Variants in LTF observed in about 807,000 individuals in gnomAD.
The protein encoded by LTF is lactotransferrin, also known as epididymis luminal protein 110.
LTF carries 91 observed loss-of-function variants against 87.2 expected under a neutral mutation model. The observed-to-expected ratio is 1.04, with a 90% CI of 0.88 to 1.24. The LOEUF (loss-of-function observed/expected upper bound fraction) is 1.24, where lower values mean the gene tolerates loss of function less well. Among genes scored for constraint, LTF ranks in the 50% most tolerant of loss-of-function variants. The pLI, the probability that LTF is intolerant of heterozygous loss-of-function variation, is 0.00. For synonymous variants in LTF, 378 were observed against 356.1 expected (o/e 1.06, Z -0.69); for missense variants, 901 against 904.3 (o/e 1.00, Z 0.05).
At chr3:46,454,463 C>G (rs1451467842) in intron 5 of LTF, 103 bp from the exon 6 acceptor site, 2 of 1,035,720 alleles carry the variant, frequency 1.9e-6, no homozygotes, top group Non-Finnish European at 3.1e-6. Flanking sequence ...TTTCTACTCC[C>G]TGCAGGGCAG....
In LTF at chr3:46,441,192, T is replaced by TGA. The variant is rs372252418; in HGVS notation, c.1723+222_1723+223dup. On this transcript the variant is annotated intron_variant, in intron 14 of 16. Coordinates refer to ENST00000231751, the MANE Select transcript of LTF (RefSeq NM_002343.6). ...GTGAGAGTGAGTGTGTGTGTGTGTG[T>TGA]GAGAGAAAGAGAGAGAGTGTGTGTG... is the stretch of plus-strand genomic sequence containing the variant. 9.9e-4 allele frequency among the ~76,000 whole-genome samples: 151 copies of TGA among 151,778 alleles called. No homozygotes were observed. In the South Asian group the frequency reaches 0.014, roughly 14 times the overall value.
At chr3:46,464,610 G>A (rs1332753412) in intron 1 of LTF, among the ~76,000 whole-genome samples, 2 of 152,220 alleles carry the variant, frequency 1.3e-5, no homozygotes, top group Non-Finnish European at 2.9e-5. Context: ...AGCTAGGCGT[G>A]CCCCGATCCG....
chr3:46,454,442 G>A, intron 5 of LTF, 82 bp from the exon 6 acceptor site: 1 of 1,168,236 alleles, frequency 8.6e-7, no homozygotes, highest in Admixed American at 1.7e-5. Context: ...CTGGCACTCA[G>A]CATCTATGGG....
chr3:46,482,643 AGAAAGAAAGAAAGAAAGAAG>A lies in LTF; in HGVS notation c.-320+2323_-320+2342del, dbSNP rs1437203053. Among the ~76,000 whole-genome samples, 93 of 100,416 alleles carry A rather than the reference AGAAAGAAAGAAAGAAAGAAG, an allele frequency of 9.3e-4. 3 individuals are homozygous for A. The highest frequency in any genetic ancestry group is 3.3e-3 in the African/African-American group (84 of 25,366). 65.9% of individuals were successfully genotyped at this position (100,416 alleles called of 152,430 possible). ...AAGAAAGAAAGAAAGAAAGAAAGAA[AGAAAGAAAGAAAGAAAGAAG>A]GAAGGAAGGAAGGAAGGAAGGAAGG... is the stretch of plus-strand genomic sequence containing the variant. On this transcript the variant is annotated intron_variant, in intron 1 of 19. Coordinates refer to the LTF transcript ENST00000443496.
chr3:46,463,910 G>C (rs1227539008), intron 1 of LTF, among the ~76,000 whole-genome samples: 1 of 152,186 alleles, frequency 6.6e-6, no homozygotes, highest in Non-Finnish European at 1.5e-5. Context: ...TCCCACTGCT[G>C]CTCTCTATCC....
At chr3:46,459,870 G>A in intron 1 of LTF, 51 bp from the exon 2 acceptor site, 1 of 1,383,166 alleles carries the variant, frequency 7.2e-7, no homozygotes, top group South Asian at 1.6e-5. Context: ...CTGAGGGCGT[G>A]ACCACCGCAC....
intron 12 of LTF, 47 bp downstream of exon 12, chr3:46,445,234 C>A (rs774520694): frequency 1.3e-6 from 2 of 1,547,968 alleles, no homozygotes; most frequent in Admixed American, 1.9e-5. Context: ...GCACAATATG[C>A]CTACCCTCCA....
intron 16 of LTF, among the ~76,000 whole-genome samples, chr3:46,436,674 G>A (rs1212903764): frequency 6.6e-6 from 1 of 152,204 alleles, no homozygotes; most frequent in Non-Finnish European, 1.5e-5. Context: ...TGGATAGACT[G>A]GCCTGCCCTC....
At chr3:46,467,461 T>C (rs539090520), upstream of LTF, among the ~76,000 whole-genome samples, 1 of 151,922 alleles carries the variant, frequency 6.6e-6, no homozygotes, top group South Asian at 2.1e-4. Context: ...TCCAGGAAGA[T>C]TTAGCCTGGG....
At chr3:46,439,556 C>T in intron 14 of LTF, 76 bp from the exon 15 acceptor site, 2 of 1,320,752 alleles carry the variant, frequency 1.5e-6, no homozygotes, top group Non-Finnish European at 2.1e-6. Flanking sequence ...TGGGTGTGGC[C>T]ATTCCACTGA....
intron 1 of LTF, among the ~76,000 whole-genome samples, chr3:46,474,834 T>C (rs750736909): frequency 6.6e-6 from 1 of 152,128 alleles, no homozygotes; most frequent in African/African-American, 2.4e-5. Flanking sequence ...AAACTAAATA[T>C]CACACTTCTA....
At chr3:46,444,853 G>A (rs143469852) in intron 12 of LTF, among the ~76,000 whole-genome samples, 2 of 152,328 alleles carry the variant, frequency 1.3e-5, no homozygotes, top group East Asian at 1.9e-4. Flanking sequence ...TTCAGGCTCC[G>A]TTGCAGTGTA....
At chr3:46,453,751 AG>A (rs747140221) in intron 6 of LTF, among the ~76,000 whole-genome samples, 12 of 152,210 alleles carry the variant, frequency 7.9e-5, no homozygotes, top group Non-Finnish European at 1.5e-4. Flanking sequence ...CACGTAAGTA[AG>A]GAACACAGGT....
At chr3:46,447,570 T>C (rs923331701) in intron 9 of LTF, among the ~76,000 whole-genome samples, 172 bp from the exon 10 acceptor site, 5 of 152,168 alleles carry the variant, frequency 3.3e-5, no homozygotes, top group African/African-American at 1.2e-4. Context: ...CCACTAATTC[T>C]CTCCCAGCCC....
Position 46,446,430 on chromosome 3 carries a change from G to A in LTF, c.1357+10C>T. Reference sequence around the variant, plus strand: ...ATCCTTGACCCTGAAAGTGGCTAATGCCAACTCACCTTCCACAGGTCTATC... The same window carrying A: ...ATCCTTGACCCTGAAAGTGGCTAATACCAACTCACCTTCCACAGGTCTATC... On this transcript the variant is annotated intron_variant, in intron 11 of 16. Transcript: ENST00000231751. 6.2e-7 allele frequency: 1 copy of A among 1,610,584 alleles called. No individual in the cohort carries two copies. The highest frequency in any genetic ancestry group is 2.2e-5 in the East Asian group (1 of 44,824).
At chr3:46,465,599 C>CTT (rs5848800), upstream of LTF, among the ~76,000 whole-genome samples, 37 of 149,534 alleles carry the variant, frequency 2.5e-4, no homozygotes, top group East Asian at 5.3e-3. Flanking sequence ...TGCCCTACCA[C>CTT]TTTTTTTTTT....
upstream of LTF, chr3:46,465,014 TGAG>T: frequency 1.3e-6 from 1 of 770,950 alleles, no homozygotes; most frequent in Non-Finnish European, 2.2e-6. Flanking sequence ...ACTTGTTCCT[TGAG>T]GATCCAGGCT....
chr3:46,475,515 AACACACACACACACACACACACACACAC>A lies in LTF; in HGVS notation c.-319-5077_-319-5050del, dbSNP rs59984149. On this transcript the variant is annotated intron_variant, in intron 1 of 19. Transcript: ENST00000443496. ...GTCACTTTCATCTGCTCTCCCCCTA[AACACACACACACACACACACACACACAC>A]ACACACACACACACACACACACACC... is the stretch of plus-strand genomic sequence containing the variant. Among the ~76,000 whole-genome samples, 5 of 131,074 alleles carry A rather than the reference AACACACACACACACACACACACACACAC, an allele frequency of 3.8e-5. No homozygotes were observed. The East Asian group carries it at 6.7e-4, about 18-fold the overall frequency. 86.0% of individuals were successfully genotyped at this position (131,074 alleles called of 152,430 possible). A position where few individuals can be genotyped will look rare whatever the true frequency, so the allele number is the denominator to read the frequency against.
intron 16 of LTF, among the ~76,000 whole-genome samples, chr3:46,436,598 A>C (rs1474196649): frequency 6.6e-6 from 1 of 152,234 alleles, no homozygotes; most frequent in African/African-American, 2.4e-5. Context: ...TCACTCATTC[A>C]TTCACAGATC....
Sources: allele counts gnomAD v4.1 joint callset (sites outside exome capture counted in the v4.1 genomes callset), GRCh38; gene constraint gnomAD v4.1.1; transcripts MANE v1.5; gene names NCBI Gene and HGNC (gene_info 2026-07-23, HGNC 2026-07-21).